Variants in AMPH observed in about 807,000 individuals in gnomAD.
AMPH encodes amphiphysin, also known as amphiphysin (Stiff-Mann syndrome with breast cancer 128kD autoantigen).
AMPH carries 49 observed loss-of-function variants against 99.1 expected under a neutral mutation model. The observed-to-expected ratio is 0.49, with a 90% CI of 0.39 to 0.63. The LOEUF is 0.63. AMPH is among the 20% of genes least tolerant of loss of function. The pLI is 0.00. For missense variants in AMPH, 759 were observed against 863.4 expected, an observed-to-expected ratio of 0.88 and a Z score of 1.52; for synonymous variants, 314 against 317.3, an observed-to-expected ratio of 0.99 and a Z score of 0.11.
chr7:38,455,507 T>G (rs1001716748), intron 11 of AMPH, among the ~76,000 whole-genome samples: 4 of 152,080 alleles, frequency 2.6e-5, no homozygotes, highest in African/African-American at 9.7e-5. Flanking sequence ...AACACTGGGA[T>G]TCAACAGAGA....
chr7:38,404,872 C>G (rs928503303), intron 17 of AMPH, among the ~76,000 whole-genome samples: 3 of 152,008 alleles, frequency 2.0e-5, no homozygotes, highest in African/African-American at 7.3e-5. Context: ...CTGGGAGGTA[C>G]TATATGAGAT....
At chr7:38,583,755 A>C (rs183347436) in intron 1 of AMPH, among the ~76,000 whole-genome samples, 463 of 152,368 alleles carry the variant, frequency 3.0e-3, no homozygotes, top group African/African-American at 0.011. Context: ...GAGAGGGATA[A>C]AGCTGTGTCA....
At position 38,428,640 on chromosome 7, in the gene AMPH, C is replaced by T. The variant is rs564052662; in HGVS notation, c.1182+1202G>A. The T allele has an allele frequency of 6.6e-6, 3 of 456,596 alleles. No individual in the cohort carries two copies. In the East Asian group the frequency reaches 2.1e-4, roughly 32 times the overall value. The allele number at this position is 456,596 out of a possible 1,614,324, so 28.3% of individuals were successfully genotyped here. A position where few individuals can be genotyped will look rare whatever the true frequency, so the allele number is the denominator to read the frequency against. On this transcript the variant is annotated intron_variant, in intron 14 of 20. Coordinates refer to ENST00000356264, the MANE Select transcript of AMPH (RefSeq NM_001635.4). ...AGTCAAATCCCATCCCTCAGGGCTGCCATCTTCAATATTAGATACAGAGTA... is the reference window on the plus strand; with the variant it reads ...AGTCAAATCCCATCCCTCAGGGCTGTCATCTTCAATATTAGATACAGAGTA...
chr7:38,421,753 C>G (rs1197597126), intron 16 of AMPH, among the ~76,000 whole-genome samples: 2 of 152,220 alleles, frequency 1.3e-5, no homozygotes, highest in African/African-American at 4.8e-5. Flanking sequence ...GAGCCCAAAT[C>G]CTCTGAAGTG....
intron 11 of AMPH, among the ~76,000 whole-genome samples, chr7:38,442,271 T>G (rs79385823): frequency 0.11 from 16,754 of 152,144 alleles, 1,342 homozygotes; most frequent in East Asian, 0.28. Flanking sequence ...AAACTTGCCC[T>G]GTTAAAGAGT....
At chr7:38,491,224 A>G in intron 4 of AMPH, 79 bp from the exon 5 acceptor site, 1 of 956,920 alleles carries the variant, frequency 1.0e-6, no homozygotes, top group Non-Finnish European at 1.6e-6. Flanking sequence ...ATCTGAAACT[A>G]TAAAATTAGA....
chr7:38,467,233 T>C (rs1787691715), intron 7 of AMPH, among the ~76,000 whole-genome samples: 1 of 152,072 alleles, frequency 6.6e-6, no homozygotes, highest in Non-Finnish European at 1.5e-5. Context: ...AAGCACAATA[T>C]TTATTGGCAG....
chr7:38,493,002 G>A (rs569535735), intron 4 of AMPH, among the ~76,000 whole-genome samples: 1 of 152,194 alleles, frequency 6.6e-6, no homozygotes, highest in African/African-American at 2.4e-5. Flanking sequence ...TGTGCGGTCT[G>A]CTTTGGCCAA....
At chr7:38,466,560 T>A (rs1479120356) in intron 7 of AMPH, among the ~76,000 whole-genome samples, 1 of 151,880 alleles carries the variant, frequency 6.6e-6, no homozygotes, top group East Asian at 1.9e-4. Flanking sequence ...GGTCTGAACA[T>A]GAAGACTGAG....
At chr7:38,448,650 T>C (rs967325801) in intron 11 of AMPH, among the ~76,000 whole-genome samples, 2 of 152,194 alleles carry the variant, frequency 1.3e-5, no homozygotes, top group African/African-American at 2.4e-5. Flanking sequence ...TGGTTGACCA[T>C]GGGTAACTGA....
At chr7:38,621,908 C>T (rs1314390520) in intron 1 of AMPH, among the ~76,000 whole-genome samples, 3 of 152,138 alleles carry the variant, frequency 2.0e-5, no homozygotes, top group African/African-American at 7.2e-5. Context: ...CCAAATAGTA[C>T]ACTTAAATTT....
chr7:38,562,000 A>C (rs1791569570), intron 1 of AMPH, among the ~76,000 whole-genome samples: 1 of 151,288 alleles, frequency 6.6e-6, no homozygotes, highest in Non-Finnish European at 1.5e-5. Flanking sequence ...GCCGAGGCTG[A>C]CTAAGACAGA....
intron 1 of AMPH, among the ~76,000 whole-genome samples, chr7:38,589,520 T>C (rs1264945387): frequency 6.6e-6 from 1 of 152,238 alleles, no homozygotes; most frequent in African/African-American, 2.4e-5. Flanking sequence ...TGTGTCAACC[T>C]ACCCCGAGCA....
intron 15 of AMPH, 113 bp downstream of exon 15, chr7:38,426,841 T>A (rs759519731): frequency 1.4e-4 from 130 of 907,298 alleles, no homozygotes; most frequent in Non-Finnish European, 2.1e-4. Context: ...TCCAATTTTG[T>A]GCTGATATTC....
At chr7:38,420,461 T>A (rs766006677) in intron 16 of AMPH, among the ~76,000 whole-genome samples, 19 of 152,218 alleles carry the variant, frequency 1.2e-4, no homozygotes, top group Non-Finnish European at 1.5e-4. Flanking sequence ...GAGAATGATT[T>A]CCTATTGTTT....
chr7:38,613,481 T>C (rs1466678255), intron 1 of AMPH, among the ~76,000 whole-genome samples: 1 of 152,148 alleles, frequency 6.6e-6, no homozygotes, highest in Non-Finnish European at 1.5e-5. Flanking sequence ...AGGTCTTAAC[T>C]AAAGAGATCA....
intron 11 of AMPH, among the ~76,000 whole-genome samples, chr7:38,441,774 T>G (rs138604769): frequency 0.024 from 3,452 of 141,284 alleles, 221 homozygotes; most frequent in African/African-American, 0.09. Flanking sequence ...ATATATGATA[T>G]ATATCATATA....
chr7:38,489,456 T>C (rs1376003219), intron 5 of AMPH, among the ~76,000 whole-genome samples: 1 of 148,492 alleles, frequency 6.7e-6, no homozygotes, highest in African/African-American at 2.4e-5. Context: ...AAATAAACAT[T>C]GGTGTTAGCA....
chr7:38,489,832 G>C (rs898634220), intron 5 of AMPH, among the ~76,000 whole-genome samples: 1 of 152,170 alleles, frequency 6.6e-6, no homozygotes, highest in East Asian at 1.9e-4. Context: ...TAATTAATGG[G>C]TATAAAATTT....
Sources: allele counts gnomAD v4.1 joint callset (sites outside exome capture counted in the v4.1 genomes callset), GRCh38; gene constraint gnomAD v4.1.1; transcripts MANE v1.5; gene names NCBI Gene and HGNC (gene_info 2026-07-23, HGNC 2026-07-21).